RNF111: variants seen among roughly 807,000 people sequenced by gnomAD.
The protein encoded by RNF111 is E3 ubiquitin-protein ligase Arkadia.
Under a neutral mutation model 95.1 loss-of-function variants are expected in RNF111, and 17 were observed. The observed-to-expected ratio is 0.18, with a 90% CI of 0.12 to 0.27. RNF111 has a LOEUF of 0.27. RNF111 is among the 10% of genes least tolerant of loss of function. The probability of loss-of-function intolerance (pLI) is 1.00; values close to 1 mark genes in which losing one functional copy is unlikely to be tolerated. For missense variants in RNF111, 1,189 were observed against 1,210.4 expected, an observed-to-expected ratio of 0.98 and a Z score of 0.26; for synonymous variants, 440 against 414.8, an observed-to-expected ratio of 1.06 and a Z score of -0.74.
chr15:59,010,825 G>C (rs1383875881), intron 1 of RNF111, among the ~76,000 whole-genome samples: 1 of 152,174 alleles, frequency 6.6e-6, no homozygotes, highest in African/African-American at 2.4e-5. Flanking sequence ...TAATGTTGAA[G>C]ATTAAAGGAG....
In RNF111 at chr15:58,997,383, A is replaced by G. The variant is rs559225874; in HGVS notation, c.-20+9315A>G. ...CTCATTTTCTATGTAACTGATGTGA[A>G]CACCAGTTGACATTTGCACTGATGG... On this transcript the variant is annotated intron_variant, in intron 1 of 13. Transcript: ENST00000348370. Among the ~76,000 whole-genome samples, 11 of 152,246 alleles carry G rather than the reference A, an allele frequency of 7.2e-5. 1 individual carries two copies. The South Asian group carries it at 1.9e-3, about 26-fold the overall frequency.
At chr15:58,997,940 C>T (rs755650163) in intron 1 of RNF111, among the ~76,000 whole-genome samples, 23 of 151,034 alleles carry the variant, frequency 1.5e-4, no homozygotes, top group African/African-American at 2.4e-4. Flanking sequence ...AGTCTCACTC[C>T]GTTGCCCAGG....
intron 2 of RNF111, among the ~76,000 whole-genome samples, chr15:59,039,033 C>G (rs567547642): frequency 4.6e-5 from 7 of 152,272 alleles, no homozygotes; most frequent in African/African-American, 1.4e-4. Context: ...GACACGATCT[C>G]AGCTCACCGC....
At chr15:59,005,497 G>T (rs1326316509) in intron 1 of RNF111, among the ~76,000 whole-genome samples, 1 of 152,180 alleles carries the variant, frequency 6.6e-6, no homozygotes, top group Non-Finnish European at 1.5e-5. Context: ...CAGGACAGCT[G>T]TCATCTTTTT....
chr15:59,053,945 T>G (rs2042099887), intron 3 of RNF111, among the ~76,000 whole-genome samples: 1 of 152,150 alleles, frequency 6.6e-6, no homozygotes, highest in Admixed American at 6.5e-5. Context: ...ACTTAATTAT[T>G]TATTTTTTGA....
chr15:59,071,702 A>AAAT (rs1555399065), intron 6 of RNF111, among the ~76,000 whole-genome samples: 4 of 151,790 alleles, frequency 2.6e-5, no homozygotes, highest in African/African-American at 9.7e-5. Flanking sequence ...AAAAAAAAAA[A>AAAT]AAATAAAGTT....
intron 3 of RNF111, among the ~76,000 whole-genome samples, chr15:59,054,534 C>T (rs1305792222): frequency 6.6e-6 from 1 of 152,092 alleles, no homozygotes; most frequent in Non-Finnish European, 1.5e-5. Flanking sequence ...CATACAAAAC[C>T]ATTTTATCCC....
At chr15:59,086,088 A>G (rs1268329072) in intron 10 of RNF111, among the ~76,000 whole-genome samples, 5 of 152,040 alleles carry the variant, frequency 3.3e-5, no homozygotes, top group Non-Finnish European at 5.9e-5. Context: ...GTAAGTGGTA[A>G]TAGATCCGTT....
intron 1 of RNF111, among the ~76,000 whole-genome samples, chr15:59,007,391 A>T (rs2039589844): frequency 6.6e-6 from 1 of 152,036 alleles, no homozygotes; most frequent in Non-Finnish European, 1.5e-5. Flanking sequence ...ATCCGTATTG[A>T]TACATGTATC....
intron 1 of RNF111, among the ~76,000 whole-genome samples, chr15:59,027,237 T>G (rs2040660896): frequency 6.6e-6 from 1 of 152,160 alleles, no homozygotes; most frequent in African/African-American, 2.4e-5. Context: ...GATCTCCTCC[T>G]CTGAAATCCA....
intron 3 of RNF111, among the ~76,000 whole-genome samples, chr15:59,054,928 C>A (rs187397344): frequency 6.6e-6 from 1 of 152,118 alleles, no homozygotes; most frequent in Non-Finnish European, 1.5e-5. Flanking sequence ...TATCCTGGAG[C>A]CTTAGGACTG....
At chr15:59,028,905 A>T (rs1169139880) in intron 1 of RNF111, among the ~76,000 whole-genome samples, 3 of 151,448 alleles carry the variant, frequency 2.0e-5, no homozygotes, top group Non-Finnish European at 2.9e-5. Context: ...TCAGCCTCCC[A>T]AGTAGCTGGG....
intron 1 of RNF111, among the ~76,000 whole-genome samples, chr15:58,990,376 TG>T (rs1299986238): frequency 6.6e-6 from 1 of 152,184 alleles, no homozygotes; most frequent in Non-Finnish European, 1.5e-5. Flanking sequence ...CATGAAGCTG[TG>T]GGCCAGGCGT....
At position 59,084,130 on chromosome 15, in the gene RNF111, C is replaced by T. The variant is rs1280275273; in HGVS notation, c.2299C>T (p.Arg767Trp). 4 of 1,579,604 alleles carry T rather than the reference C, an allele frequency of 2.5e-6. No individual in the cohort carries two copies. The highest frequency in any genetic ancestry group is 3.4e-6 in the Non-Finnish European group (4 of 1,163,722). ...QRRRMMQHPT[R>W]AHERPPPHPH... Reference sequence around the variant, plus strand: ...TCTTTTTGTGTTCTGTGTTTCCAGGCGGGCACATGAACGCCCCCCACCCCA... The same window carrying T: ...TCTTTTTGTGTTCTGTGTTTCCAGGTGGGCACATGAACGCCCCCCACCCCA... The change falls in exon 9 of 14, where the codon CGG becomes TGG. Residue 767 changes from arginine to tryptophan, a missense_variant and splice_region_variant. Arg to Trp is a moderately radical substitution (Grantham distance 101, BLOSUM62 -3). Coordinates refer to ENST00000348370, the MANE Select transcript of RNF111 (RefSeq NM_017610.8).
intron 4 of RNF111, among the ~76,000 whole-genome samples, chr15:59,057,728 A>G: frequency 6.6e-6 from 1 of 152,234 alleles, no homozygotes; most frequent in East Asian, 1.9e-4. Context: ...TGGAAAGGAG[A>G]TTAAAACAGT....
chr15:59,077,175 A>G (rs1469300855), intron 7 of RNF111, among the ~76,000 whole-genome samples: 2 of 152,218 alleles, frequency 1.3e-5, no homozygotes, highest in Non-Finnish European at 2.9e-5. Flanking sequence ...AGTGTGATGC[A>G]TGGCCTATTT....
chr15:59,079,691 T>G (rs1373488728), intron 7 of RNF111, among the ~76,000 whole-genome samples: 1 of 151,710 alleles, frequency 6.6e-6, no homozygotes, highest in East Asian at 1.9e-4. Context: ...TAGATGCACA[T>G]CTCTAAGAGT....
Position 59,092,517 on chromosome 15 carries a change from C to A in RNF111, c.2740-20C>A. The A allele has an allele frequency of 3.1e-6, 5 of 1,607,884 alleles. No individual in the cohort carries two copies. Among genetic ancestry groups the A allele is most frequent in the Non-Finnish European group, 4.2e-6 (5 of 1,176,846 alleles). On this transcript the variant is annotated intron_variant, in intron 12 of 13. Coordinates refer to ENST00000348370, the MANE Select transcript of RNF111 (RefSeq NM_017610.8). ...AATGTCATCTCTACTAATAAGGTAACAACTGATTGGTTCTCACAGAGGAAA... is the reference window on the plus strand; with the variant it reads ...AATGTCATCTCTACTAATAAGGTAAAAACTGATTGGTTCTCACAGAGGAAA...
chr15:59,000,657 C>T (rs187981173), intron 1 of RNF111, among the ~76,000 whole-genome samples: 10 of 149,084 alleles, frequency 6.7e-5, no homozygotes, highest in Admixed American at 4.1e-4. Flanking sequence ...TTCAGTGAGC[C>T]AAGATGGCAC....
Sources: gnomAD v4.1 joint callset for allele counts (sites outside exome capture counted in the v4.1 genomes callset) on GRCh38, gnomAD v4.1.1 for gene constraint, MANE v1.5 for transcripts, NCBI Gene and HGNC (gene_info 2026-07-23, HGNC 2026-07-21) for gene names.